The following MTMR9 variants were observed in gnomAD, a reference collection of about 807,000 sequenced individuals.
MTMR9 encodes the protein myotubularin related protein 9, also known as myotubularin-related protein 9.
A neutral mutation model predicts 69.5 loss-of-function variants in MTMR9; 39 were observed. The ratio of observed to expected loss-of-function variants is 0.56; its 90% CI spans 0.43 to 0.73. MTMR9 has a LOEUF of 0.73. Ranked by LOEUF, MTMR9 falls within the 30% of genes least tolerant of loss-of-function variation. The pLI, the probability that MTMR9 is intolerant of heterozygous loss-of-function variation, is 0.00. For missense variants in MTMR9, 900 were observed against 671.2 expected, an observed-to-expected ratio of 1.34 and a Z score of -3.77; for synonymous variants, 354 against 240.8, an observed-to-expected ratio of 1.47 and a Z score of -4.35.
intron 1 of MTMR9, among the ~76,000 whole-genome samples, chr8:11,288,005 C>T (rs1277906252): frequency 8.5e-6 from 1 of 117,528 alleles, no homozygotes; most frequent in African/African-American, 3.3e-5. Context: ...ACATATAATA[C>T]ATAGTATATA....
At chr8:11,338,290 CTGT>C in the MTMR9 span, among the ~76,000 whole-genome samples, 1 of 152,196 alleles carries the variant, frequency 6.6e-6, no homozygotes, top group African/African-American at 2.4e-5. Flanking sequence ...GGACCAGCTT[CTGT>C]TGTTCTCCGG....
intron 2 of MTMR9, chr8:11,297,815 C>G (rs1209286785): frequency 2.2e-6 from 1 of 454,310 alleles, no homozygotes; most frequent in African/African-American, 2.0e-5. Flanking sequence ...CTCATTTGAC[C>G]TCAGAAAATG....
chr8:11,337,057 G>C, the MTMR9 span, among the ~76,000 whole-genome samples: 1 of 152,110 alleles, frequency 6.6e-6, no homozygotes, highest in South Asian at 2.1e-4. Flanking sequence ...CAAAATCTTA[G>C]AGTTCTGGAC....
chr8:11,332,974 T>C (rs533656812), downstream of MTMR9, among the ~76,000 whole-genome samples: 1 of 152,162 alleles, frequency 6.6e-6, no homozygotes, highest in Non-Finnish European at 1.5e-5. Context: ...TTATCCACTC[T>C]GAGGAGCATA....
In MTMR9 at chr8:11,323,060, T is replaced by C; in HGVS notation, c.*272T>C. On this transcript the variant is annotated 3_prime_UTR_variant, in exon 10 of 10. Coordinates refer to ENST00000221086, the MANE Select transcript of MTMR9 (RefSeq NM_015458.4). ...TACGTGAAATAGATGACCTATTTAA[T>C]GCCATTTGTGTTTCATGCCATTTTA... is the stretch of plus-strand genomic sequence containing the variant. 3.9e-6 allele frequency: 1 copy of C among 257,920 alleles called. No individual in the cohort carries two copies. Among genetic ancestry groups the C allele is most frequent in the Non-Finnish European group, 7.3e-6 (1 of 136,438 alleles). 16.0% of individuals were successfully genotyped at this position (257,920 alleles called of 1,614,324 possible). A position where few individuals can be genotyped will look rare whatever the true frequency, so the allele number is the denominator to read the frequency against.
intron 1 of MTMR9, among the ~76,000 whole-genome samples, chr8:11,290,724 T>C (rs1238424557): frequency 1.3e-5 from 2 of 152,156 alleles, no homozygotes; most frequent in Non-Finnish European, 2.9e-5. Context: ...AGTTATCCTA[T>C]ATATACGGGT....
At chr8:11,331,136 G>A (rs1301363709), downstream of MTMR9, 4 of 1,606,818 alleles carry the variant, frequency 2.5e-6, no homozygotes, top group Non-Finnish European at 1.7e-6. Flanking sequence ...ACTTCAACCT[G>A]CCTGACTCCA....
intron 5 of MTMR9, among the ~76,000 whole-genome samples, chr8:11,308,610 G>C (rs1800061767): frequency 1.3e-5 from 2 of 152,068 alleles, no homozygotes; most frequent in South Asian, 4.1e-4. Flanking sequence ...ATTTCTTCTA[G>C]ATTATCCAGT....
chr8:11,325,620 T>C lies in MTMR9; in HGVS notation c.*2832T>C, dbSNP rs893832672. On this transcript the variant is annotated 3_prime_UTR_variant, in exon 10 of 10. Coordinates refer to ENST00000221086, the MANE Select transcript of MTMR9 (RefSeq NM_015458.4). Reference sequence around the variant, plus strand: ...AATACAAAGGATCACCACAATCCTCTATTGAACATATAAGGATCCTCAGAT... The same window carrying C: ...AATACAAAGGATCACCACAATCCTCCATTGAACATATAAGGATCCTCAGAT... 4 of 152,016 alleles carry C rather than the reference T, an allele frequency of 2.6e-5. No individual in the cohort carries two copies. The highest frequency in any genetic ancestry group is 6.6e-5 in the Admixed American group (1 of 15,256). 9.4% of individuals were successfully genotyped at this position (152,016 alleles called of 1,614,324 possible).
At chr8:11,334,338 C>T in the MTMR9 span, among the ~76,000 whole-genome samples, 2 of 152,158 alleles carry the variant, frequency 1.3e-5, no homozygotes, top group African/African-American at 4.8e-5. Context: ...TGTTATTGAG[C>T]ACTCAATGTA....
At chr8:11,300,256 T>C in intron 3 of MTMR9, 108 bp downstream of exon 3, 1 of 1,210,834 alleles carries the variant, frequency 8.3e-7, no homozygotes, top group Non-Finnish European at 1.2e-6. Context: ...AGTTGACTTA[T>C]CCATTCCTAA....
At chr8:11,303,499 TAATA>T (rs777276629) in intron 3 of MTMR9, among the ~76,000 whole-genome samples, 3 of 152,078 alleles carry the variant, frequency 2.0e-5, no homozygotes, top group Middle Eastern at 3.2e-3. Context: ...TTTTTAAAAA[TAATA>T]AATCTTTAGA....
chr8:11,295,983 G>C (rs1280292609), intron 2 of MTMR9, among the ~76,000 whole-genome samples: 2 of 152,090 alleles, frequency 1.3e-5, no homozygotes, highest in African/African-American at 2.4e-5. Flanking sequence ...CAGGTTAGCA[G>C]CTAGAAGTGG....
chr8:11,334,216 C>A, the MTMR9 span, among the ~76,000 whole-genome samples: 1 of 152,218 alleles, frequency 6.6e-6, no homozygotes, highest in South Asian at 2.1e-4. Context: ...TGGACTAAGA[C>A]ACTGGTAAAG....
intron 2 of MTMR9, among the ~76,000 whole-genome samples, chr8:11,299,373 G>A (rs537415882): frequency 9.2e-5 from 14 of 152,258 alleles, no homozygotes; most frequent in Middle Eastern, 3.4e-3. Context: ...GCCAGACACT[G>A]TTCTAAGCCT....
chr8:11,289,346 C>T (rs1585106017), intron 1 of MTMR9, among the ~76,000 whole-genome samples: 1 of 152,220 alleles, frequency 6.6e-6, no homozygotes, highest in East Asian at 1.9e-4. Flanking sequence ...TGCCTTTGGG[C>T]AAACTACTTA....
intron 4 of MTMR9, 86 bp downstream of exon 4, chr8:11,305,100 T>C (rs2060465): frequency 0.41 from 529,267 of 1,306,468 alleles, 111,317 homozygotes; most frequent in East Asian, 0.69. Flanking sequence ...GCTCTCTGTC[T>C]GTTCACTGAA....
the MTMR9 span, among the ~76,000 whole-genome samples, chr8:11,335,679 G>A: frequency 4.6e-5 from 7 of 152,308 alleles, no homozygotes; most frequent in East Asian, 1.9e-4. Flanking sequence ...AATCAAGACC[G>A]TATTTCTTGC....
At chr8:11,315,887 A>G (rs1253918258) in intron 7 of MTMR9, 2 of 152,248 alleles carry the variant, frequency 1.3e-5, no homozygotes, top group Non-Finnish European at 2.9e-5. Flanking sequence ...AATGGATATC[A>G]CAATTCTGTG....
Sources: gnomAD v4.1 joint callset for allele counts (sites outside exome capture counted in the v4.1 genomes callset) on GRCh38, gnomAD v4.1.1 for gene constraint, MANE v1.5 for transcripts, NCBI Gene and HGNC (gene_info 2026-07-23, HGNC 2026-07-21) for gene names.